NR2C1: variants seen among roughly 807,000 people sequenced by gnomAD.
NR2C1 encodes the protein nuclear receptor subfamily 2 group C member 1.
Under a neutral mutation model 74.8 loss-of-function variants are expected in NR2C1, and 33 were observed. The observed-to-expected ratio is 0.44, with a 90% CI of 0.33 to 0.59. The LOEUF (loss-of-function observed/expected upper bound fraction) is 0.59, where lower values mean the gene tolerates loss of function less well. Ranked by LOEUF, NR2C1 falls within the 20% of genes least tolerant of loss-of-function variation. The pLI, the probability that NR2C1 is intolerant of heterozygous loss-of-function variation, is 0.02. For missense variants in NR2C1, 568 were observed against 715.6 expected (o/e 0.79, Z 2.35); for synonymous variants, 225 against 240.6 (o/e 0.94, Z 0.60).
At position 95,022,201 on chromosome 12, in the gene NR2C1, T is replaced by G; in HGVS notation, c.*28A>C. 6.4e-7 allele frequency: 1 copy of G among 1,556,670 alleles called. No individual in the cohort carries two copies. On this transcript the variant is annotated 3_prime_UTR_variant, in exon 14 of 14. Coordinates refer to ENST00000333003, the MANE Select transcript of NR2C1 (RefSeq NM_003297.4). ...GTCTTGTGTTCTGGCAAAGAACAGT[T>G]AAGTTTACAGCACTGCAGTCACAGT... is the stretch of plus-strand genomic sequence containing the variant.
At chr12:95,039,033 A>G (rs2136121849) in intron 10 of NR2C1, among the ~76,000 whole-genome samples, 1 of 152,356 alleles carries the variant, frequency 6.6e-6, no homozygotes, top group Non-Finnish European at 1.5e-5. Flanking sequence ...CAGGAGTTCC[A>G]GATCAGTCTC....
At chr12:95,049,851 A>G (rs1334972533) in intron 8 of NR2C1, among the ~76,000 whole-genome samples, 1 of 152,226 alleles carries the variant, frequency 6.6e-6, no homozygotes, top group Non-Finnish European at 1.5e-5. Flanking sequence ...GCTGGAGTGC[A>G]GTGGCATGAT....
At chr12:95,051,683 G>T in intron 8 of NR2C1, 79 bp downstream of exon 8, 1 of 1,228,024 alleles carries the variant, frequency 8.1e-7, no homozygotes. Flanking sequence ...TTTATAAATA[G>T]CATTTAACAT....
chr12:95,062,979 T>C lies in NR2C1; in HGVS notation c.55-241A>G, dbSNP rs377559469. 750 of 541,984 alleles carry C rather than the reference T, an allele frequency of 1.4e-3. 2 individuals carry two copies. The highest frequency in any genetic ancestry group is 8.0e-3 in the Middle Eastern group (16 of 2,000). The allele number at this position is 541,984 out of a possible 1,614,324, so 33.6% of individuals were successfully genotyped here. A position where few individuals can be genotyped will look rare whatever the true frequency, so the allele number is the denominator to read the frequency against. ...ATTCCCTCCTTCCCCTTCCCTCCCA[T>C]GTTCCATTTAGACAAACATATATTG... On this transcript the variant is annotated intron_variant, in intron 2 of 13. Coordinates refer to ENST00000333003, the MANE Select transcript of NR2C1 (RefSeq NM_003297.4).
At chr12:95,047,389 T>C (rs911904309) in intron 9 of NR2C1, among the ~76,000 whole-genome samples, 1 of 152,166 alleles carries the variant, frequency 6.6e-6, no homozygotes, top group African/African-American at 2.4e-5. Context: ...ATTTCTAATT[T>C]TTTCCATGTA....
At chr12:95,028,836 C>T (rs1405699235) in intron 11 of NR2C1, among the ~76,000 whole-genome samples, 1 of 152,066 alleles carries the variant, frequency 6.6e-6, no homozygotes, top group Non-Finnish European at 1.5e-5. Context: ...ACTATGTTGC[C>T]CAGGCTGTTC....
Position 95,059,982 on chromosome 12 carries a change from G to T in NR2C1, c.288C>A (p.Leu96=). The stretch of plus-strand genomic sequence containing the variant: ...CTTGGTCTGGAGAATTATCTGTTAG[G>T]AGCTAAAAAAAAAAAAAAAAAAAAA... The part of the protein sequence containing the change: ...TPDLSAQHLQ[L]LTDNSPDQGP... Residue 96 remains leucine (L), a splice_region_variant and synonymous_variant, in exon 4 of 14, where the codon CTC becomes CTA. Transcript: ENST00000333003. The T allele has an allele frequency of 7.9e-7, 1 of 1,261,064 alleles. No individual in the cohort carries two copies. Among genetic ancestry groups the T allele is most frequent in the Non-Finnish European group, 1.1e-6 (1 of 937,900 alleles). The allele number at this position is 1,261,064 out of a possible 1,614,324, so 78.1% of individuals were successfully genotyped here.
rs749370569 is a variant in NR2C1, at chr12:95,028,504, T to C, written c.1414A>G (p.Arg472Gly). ...LQQDKMSTER[R>G]KLLMEHIFKL... ...AAGATGTGCTCCATCAATAATTTTC[T>C]TCTTTCTGTTGACATTTTATCTTTA... The change falls in exon 12 of 14, where the codon AGA becomes GGA. Residue 472 changes from arginine to glycine, a missense_variant. By Grantham distance (125) the Arg-to-Gly change is moderately radical. Around this residue, in one of 6 missense-constraint regions of NR2C1, gnomAD observed 117 missense variants for 186.7 expected, o/e 0.63. Transcript: ENST00000333003. 9 of 1,559,502 alleles carry C rather than the reference T, an allele frequency of 5.8e-6. No individual in the cohort carries two copies. In the Admixed American group the frequency reaches 1.6e-4, roughly 27 times the overall value.
chr12:95,066,577 G>C (rs1044342048), intron 2 of NR2C1, among the ~76,000 whole-genome samples: 2 of 152,144 alleles, frequency 1.3e-5, no homozygotes, highest in Admixed American at 1.3e-4. Flanking sequence ...CTTTTCAAAG[G>C]TTAGCAGCAA....
chr12:95,054,566 G>C (rs999427654), intron 7 of NR2C1, among the ~76,000 whole-genome samples: 46 of 151,970 alleles, frequency 3.0e-4, no homozygotes, highest in African/African-American at 1.1e-3. Flanking sequence ...AGCCTCCTGA[G>C]CTGCTGGGAT....
rs148749738 is a variant in NR2C1, at chr12:95,049,196, C to T, written c.1003G>A (p.Glu335Lys). The change falls in exon 9 of 14, where the codon GAG (glutamate) becomes AAG (lysine). Residue 335 changes from glutamate to lysine, a missense_variant. Glu to Lys is a moderately conservative substitution (Grantham distance 56). This residue lies in a region of NR2C1 where 239 missense variants were observed against 232.3 expected (regional missense o/e 1.03). Coordinates refer to ENST00000333003, the MANE Select transcript of NR2C1 (RefSeq NM_003297.4). ...DTLAKALNPG[E>K]STACQSSVAG... is the part of the protein sequence containing the mutation. The stretch of plus-strand genomic sequence containing the variant: ...ACTGAGCTCTGGCAGGCTGTGCTCT[C>T]TCCAGGATTCAATGCTTTTGCAAGA... 1 of 1,614,110 alleles carries T rather than the reference C, an allele frequency of 6.2e-7. No individual in the cohort carries two copies. The highest frequency in any genetic ancestry group is 8.5e-7 in the Non-Finnish European group (1 of 1,179,994).
At chr12:95,070,583 C>T (rs1876452432) in intron 1 of NR2C1, among the ~76,000 whole-genome samples, 1 of 152,212 alleles carries the variant, frequency 6.6e-6, no homozygotes, top group Admixed American at 6.5e-5. Context: ...CAACAAATCA[C>T]TTGTTGAATG....
chr12:95,055,676 G>A (rs991857538), intron 7 of NR2C1, among the ~76,000 whole-genome samples: 3 of 152,000 alleles, frequency 2.0e-5, no homozygotes, highest in Admixed American at 6.6e-5. Context: ...GATCCCGGCC[G>A]GGCGCAGTGG....
chr12:95,062,279 C>T (rs1428517866), intron 3 of NR2C1, among the ~76,000 whole-genome samples: 5 of 152,138 alleles, frequency 3.3e-5, no homozygotes, highest in Non-Finnish European at 7.3e-5. Context: ...CTACAATAGC[C>T]AGAGTGGATC....
intron 9 of NR2C1, among the ~76,000 whole-genome samples, chr12:95,047,360 T>C (rs1872441679): frequency 6.6e-6 from 1 of 152,320 alleles, no homozygotes; most frequent in South Asian, 2.1e-4. Flanking sequence ...AAAATTTTCC[T>C]GTAGAGTGTA....
chr12:95,049,089 G>A lies in NR2C1; in HGVS notation c.1110C>T (p.Ser370=), dbSNP rs778127647. 3.7e-6 allele frequency: 6 copies of A among 1,613,694 alleles called. No individual in the cohort carries two copies. The highest frequency in any genetic ancestry group is 3.3e-5 in the Admixed American group (2 of 59,976). The change falls in exon 9 of 14, where the codon AGC becomes AGT. Residue 370 remains serine, a synonymous_variant. Coordinates refer to ENST00000333003, the MANE Select transcript of NR2C1 (RefSeq NM_003297.4). ...NYTEKEGPLL[S]DSHVAFRLTM... ...ATACCCTGAAAGCTACATGTGAATC[G>A]CTGAGAAGTGGCCCCTCTTTTTCGG...
intron 9 of NR2C1, among the ~76,000 whole-genome samples, chr12:95,044,079 T>A (rs78672606): frequency 0.021 from 3,167 of 152,324 alleles, 102 homozygotes; most frequent in African/African-American, 0.072. Context: ...AAAATGCCTG[T>A]ATATCTTTAG....
chr12:95,025,728 T>C (rs1869282495), intron 12 of NR2C1, among the ~76,000 whole-genome samples: 1 of 148,666 alleles, frequency 6.7e-6, no homozygotes, highest in African/African-American at 2.5e-5. Context: ...CCACCTACTA[T>C]ATACCAAGCA....
Position 95,021,651 on chromosome 12 carries a change from G to A in NR2C1, c.*578C>T, listed in dbSNP as rs1025267307. ...TGGCCTGTCTCACTGCCAGCAATGA[G>A]AGTAGTATATGCTAAGGGACACCAT... On this transcript the variant is annotated 3_prime_UTR_variant, in exon 14 of 14. Transcript: ENST00000333003. 6 of 152,156 alleles carry A rather than the reference G, an allele frequency of 3.9e-5. No individual in the cohort carries two copies. The highest frequency in any genetic ancestry group is 4.1e-4 in the South Asian group (2 of 4,824). 9.4% of individuals were successfully genotyped at this position (152,156 alleles called of 1,614,324 possible).
Sources: gnomAD v4.1 joint callset for allele counts (sites outside exome capture counted in the v4.1 genomes callset) on GRCh38, gnomAD v4.1.1 for gene constraint, gnomAD v4.1.1 regional missense constraint, MANE v1.5 for transcripts, NCBI Gene and HGNC (gene_info 2026-07-23, HGNC 2026-07-21) for gene names.